Variants in NEO1 observed in about 807,000 individuals in gnomAD.
NEO1 encodes the protein neogenin 1.
A neutral mutation model predicts 159.7 loss-of-function variants in NEO1; 63 were observed. The observed-to-expected ratio is 0.39, with a 90% CI of 0.32 to 0.49. The LOEUF (loss-of-function observed/expected upper bound fraction) is 0.49. Ranked by LOEUF, NEO1 falls within the 20% of genes least tolerant of loss-of-function variation. The pLI is 0.85. For synonymous variants in NEO1, 633 were observed against 662.0 expected, an observed-to-expected ratio of 0.96 and a Z score of 0.67; for missense variants, 1,615 against 1,831.0, an observed-to-expected ratio of 0.88 and a Z score of 2.15.
At chr15:73,098,490 T>C (rs2070212482) in intron 1 of NEO1, among the ~76,000 whole-genome samples, 1 of 152,190 alleles carries the variant, frequency 6.6e-6, no homozygotes, top group East Asian at 1.9e-4. Context: ...TATCCTACAT[T>C]TCTTAGGTAA....
At chr15:73,101,760 T>C (rs2070414852) in intron 1 of NEO1, among the ~76,000 whole-genome samples, 1 of 152,148 alleles carries the variant, frequency 6.6e-6, no homozygotes, top group Non-Finnish European at 1.5e-5. Context: ...TGATACTCTA[T>C]TGTGGCCAGA....
At chr15:73,173,597 G>A (rs1024099749) in intron 5 of NEO1, among the ~76,000 whole-genome samples, 3 of 152,144 alleles carry the variant, frequency 2.0e-5, no homozygotes, top group African/African-American at 7.2e-5. Context: ...AGCCTTTGGA[G>A]TAAAAATAGT....
At chr15:73,201,540 G>T (rs2036889533) in intron 7 of NEO1, among the ~76,000 whole-genome samples, 1 of 152,144 alleles carries the variant, frequency 6.6e-6, no homozygotes, top group South Asian at 2.1e-4. Flanking sequence ...TTTTGTCATT[G>T]TTGGATGGAA....
intron 5 of NEO1, among the ~76,000 whole-genome samples, chr15:73,171,839 G>T (rs2151936214): frequency 6.6e-6 from 1 of 151,802 alleles, no homozygotes; most frequent in Non-Finnish European, 1.5e-5. Context: ...ACGGGTTTTT[G>T]CCAAGTTGGC....
At chr15:73,280,097 AAG>A (rs2041621270) in intron 22 of NEO1, among the ~76,000 whole-genome samples, 1 of 152,158 alleles carries the variant, frequency 6.6e-6, no homozygotes, top group Non-Finnish European at 1.5e-5. Context: ...GTTGGGGGCT[AAG>A]AGTATAAAGT....
At chr15:73,200,470 G>A (rs1006325654) in intron 7 of NEO1, among the ~76,000 whole-genome samples, 3 of 150,218 alleles carry the variant, frequency 2.0e-5, no homozygotes, top group Non-Finnish European at 4.4e-5. Flanking sequence ...GGGAGAGGGA[G>A]AAGGAGCAGG....
At chr15:73,172,280 A>G (rs182111062) in intron 5 of NEO1, among the ~76,000 whole-genome samples, 21 of 152,334 alleles carry the variant, frequency 1.4e-4, no homozygotes, top group South Asian at 1.2e-3. Context: ...GCCTTGTGCT[A>G]TGGAGTTACT....
chr15:73,266,318 C>G lies in NEO1; in HGVS notation c.2401C>G (p.Pro801Ala). The stretch of plus-strand genomic sequence containing the variant: ...AATGTGTGTTTCTTTTTTTTCAGAT[C>G]CCAGCTCTCACTATGTGATTACCCT... ...QRYYTIENLD[P>A]SSHYVITLKA... is the part of the protein sequence containing the mutation. Residue 801 changes from proline (P) to alanine (A), a missense_variant and splice_region_variant, in exon 16 of 29, where the codon CCC (proline) becomes GCC (alanine). By Grantham distance (27) the Pro-to-Ala change is conservative (BLOSUM62 -1). Around this residue, in one of 3 missense-constraint regions of NEO1, gnomAD observed 1,018 missense variants for 1,115.4 expected, o/e 0.91. Transcript: ENST00000261908. 1 of 1,603,842 alleles carries G rather than the reference C, an allele frequency of 6.2e-7. No homozygotes were observed. Among genetic ancestry groups the G allele is most frequent in the African/African-American group, 1.3e-5 (1 of 74,338 alleles).
chr15:73,290,793 C>T lies in NEO1; in HGVS notation c.3742+1555C>T, dbSNP rs572873901. On this transcript the variant is annotated intron_variant, in intron 25 of 28. Coordinates refer to ENST00000261908, the MANE Select transcript of NEO1 (RefSeq NM_002499.4). Reference sequence around the variant, plus strand: ...GAATTCTCAGCCATCTGTCAACAAACGATGCGATTTAATAGCCATGAATAT... The same window carrying T: ...GAATTCTCAGCCATCTGTCAACAAATGATGCGATTTAATAGCCATGAATAT... Among the ~76,000 whole-genome samples, 10 of 152,204 alleles carry T rather than the reference C, an allele frequency of 6.6e-5. No individual in the cohort carries two copies. In the South Asian group the frequency reaches 1.7e-3, roughly 25 times the overall value.
intron 16 of NEO1, among the ~76,000 whole-genome samples, chr15:73,269,282 T>C (rs554238010): frequency 2.0e-5 from 3 of 152,288 alleles, no homozygotes; most frequent in Non-Finnish European, 4.4e-5. Context: ...TCTCAAACCA[T>C]GAGGTTTGTA....
chr15:73,065,940 T>A (rs898252490), intron 1 of NEO1, among the ~76,000 whole-genome samples: 4 of 152,200 alleles, frequency 2.6e-5, no homozygotes, highest in African/African-American at 9.6e-5. Context: ...AACTTTACAT[T>A]CTGATTAGAG....
At chr15:73,190,757 C>G (rs2036194996) in intron 7 of NEO1, among the ~76,000 whole-genome samples, 1 of 151,970 alleles carries the variant, frequency 6.6e-6, no homozygotes, top group African/African-American at 2.4e-5. Context: ...GAGTTTTATT[C>G]AAGGTAACTG....
chr15:73,084,729 T>A (rs879069292), intron 1 of NEO1, among the ~76,000 whole-genome samples: 1 of 152,182 alleles, frequency 6.6e-6, no homozygotes, highest in Admixed American at 6.6e-5. Context: ...TTCATATTGT[T>A]TTCCACAATG....
At chr15:73,057,414 G>A (rs910888515) in intron 1 of NEO1, among the ~76,000 whole-genome samples, 5 of 151,998 alleles carry the variant, frequency 3.3e-5, no homozygotes, top group African/African-American at 1.2e-4. Context: ...CATGTGATTG[G>A]GAGCTATTTA....
rs1277362385 is a variant in NEO1, at chr15:73,295,146, A to ATATATATATATATAT, written c.3901+1598_3901+1599insTATATATATATATAT. Among the ~76,000 whole-genome samples the ATATATATATATATAT allele has an allele frequency of 1.3e-4, 18 of 140,200 alleles. 1 individual carries two copies. Among genetic ancestry groups the ATATATATATATATAT allele is most frequent in the South Asian group, 6.6e-4 (3 of 4,536 alleles). 92.0% of individuals were successfully genotyped at this position (140,200 alleles called of 152,430 possible). On this transcript the variant is annotated intron_variant, in intron 26 of 28. Transcript: ENST00000261908. ...ATTAAATATATATATATATATATGT[A>ATATATATATATATAT]AAAATTTGGCCTTTCTACTATCTCC...
rs139339048 is a variant in NEO1 at position 73,267,400 on chromosome 15, T to C, written c.2494+989T>C. On this transcript the variant is annotated intron_variant, in intron 16 of 28. Coordinates refer to ENST00000261908, the MANE Select transcript of NEO1 (RefSeq NM_002499.4). The stretch of plus-strand genomic sequence containing the variant: ...GAGTTATAAATTTTTTTTCTTTTTT[T>C]TATTATACTTTAAGTTTTAGGGTAC... Among the ~76,000 whole-genome samples, 187 of 152,326 alleles carry C rather than the reference T, an allele frequency of 1.2e-3. 4 individuals are homozygous for C. The East Asian group carries it at 0.023, about 18-fold the overall frequency.
chr15:73,290,224 ATTTTTTTTT>A (rs34114271), intron 25 of NEO1, among the ~76,000 whole-genome samples: 2 of 82,250 alleles, frequency 2.4e-5, no homozygotes, highest in Non-Finnish European at 4.6e-5. Context: ...ACTGTGTGGA[ATTTTTTTTT>A]TTTTTTTTTT....
intron 1 of NEO1, among the ~76,000 whole-genome samples, chr15:73,066,151 G>A (rs2068207831): frequency 6.6e-6 from 1 of 150,402 alleles, no homozygotes; most frequent in East Asian, 1.9e-4. Context: ...CCAAGTAGCT[G>A]GGACTACAGG....
rs541591238 is a variant in NEO1, at chr15:73,244,611, C to T, written c.1606+113C>T. 10 of 1,204,592 alleles carry T rather than the reference C, an allele frequency of 8.3e-6. No individual in the cohort carries two copies. The South Asian group carries it at 1.2e-4, about 14-fold the overall frequency. The allele number at this position is 1,204,592 out of a possible 1,614,324, so 74.6% of individuals were successfully genotyped here. A position where few individuals can be genotyped will look rare whatever the true frequency, so the allele number is the denominator to read the frequency against. The stretch of plus-strand genomic sequence containing the variant: ...GCAGAAGATAACAGTTCCTTACTTT[C>T]GGGGTCCTTATCAATTAGGGGAGGC... On this transcript the variant is annotated intron_variant, in intron 9 of 28. Coordinates refer to ENST00000261908, the MANE Select transcript of NEO1 (RefSeq NM_002499.4).
Sources: allele counts gnomAD v4.1 joint callset (sites outside exome capture counted in the v4.1 genomes callset), GRCh38; gene constraint gnomAD v4.1.1; regional missense constraint gnomAD v4.1.1; transcripts MANE v1.5; gene names NCBI Gene and HGNC (gene_info 2026-07-23, HGNC 2026-07-21).